The following NTMT2 variants were observed in gnomAD, a reference collection of about 807,000 sequenced individuals.
NTMT2 encodes the protein N-terminal Xaa-Pro-Lys N-methyltransferase 2.
In NTMT2, 21 loss-of-function variants were observed where a neutral mutation model predicts 23.4. That is an observed-to-expected ratio of 0.90 (90% CI 0.64 to 1.29). NTMT2 has a LOEUF of 1.29. NTMT2 is among the 50% of genes most tolerant of loss of function. The pLI, the probability that NTMT2 is intolerant of heterozygous loss-of-function variation, is 0.00. For missense variants in NTMT2, 336 were observed against 352.0 expected, an observed-to-expected ratio of 0.95 and a Z score of 0.36; for synonymous variants, 131 against 127.7, an observed-to-expected ratio of 1.03 and a Z score of -0.17.
intron 1 of NTMT2, among the ~76,000 whole-genome samples, chr1:170,157,379 G>A (rs779719728): frequency 6.6e-6 from 1 of 152,014 alleles, no homozygotes; most frequent in Non-Finnish European, 1.5e-5. Flanking sequence ...ATGTATGGAG[G>A]ATATAAATAA....
chr1:170,157,379 G>T (rs779719728), intron 1 of NTMT2, among the ~76,000 whole-genome samples: 1 of 152,014 alleles, frequency 6.6e-6, no homozygotes, highest in African/African-American at 2.4e-5. Context: ...ATGTATGGAG[G>T]ATATAAATAA....
chr1:170,146,915 T>C (rs1290494756), intron 1 of NTMT2, among the ~76,000 whole-genome samples: 2 of 152,246 alleles, frequency 1.3e-5, no homozygotes, highest in Non-Finnish European at 2.9e-5. Context: ...TCTACTTTTT[T>C]CAGCCTCTGT....
intron 2 of NTMT2, among the ~76,000 whole-genome samples, chr1:170,164,519 A>G (rs180796473): frequency 6.6e-6 from 1 of 152,194 alleles, no homozygotes; most frequent in Non-Finnish European, 1.5e-5. Flanking sequence ...GAATTAGTTT[A>G]GTCTAAATTA....
At chr1:170,152,013 T>A in intron 1 of NTMT2, among the ~76,000 whole-genome samples, 1 of 152,192 alleles carries the variant, frequency 6.6e-6, no homozygotes, top group East Asian at 1.9e-4. Context: ...TTATGTGTGC[T>A]TATGTCGGTT....
At position 170,160,686 on chromosome 1, in the gene NTMT2, T is replaced by C. The variant is rs201341297; in HGVS notation, c.323T>C (p.Phe108Ser). ...GCCTCTCAGAAATTTCTTAGGAAAT[T>C]TGTTGGGGTGAGTTATTCAACTGCA... ...IQASQKFLRK[F>S]VGGPGRAGTD... The change falls in exon 2 of 4, where the codon TTT becomes TCT. Residue 108 changes from phenylalanine to serine, a missense_variant. Phe to Ser is a radical substitution (Grantham distance 155). Transcript: ENST00000439373. The C allele has an allele frequency of 3.1e-5, 47 of 1,525,726 alleles. No homozygotes were observed. The African/African-American group carries it at 5.3e-4, about 17-fold the overall frequency. 94.5% of individuals were successfully genotyped at this position (1,525,726 alleles called of 1,614,324 possible).
chr1:170,167,836 A>G lies in NTMT2; in HGVS notation c.*79A>G. The G allele has an allele frequency of 4.9e-6, 7 of 1,426,330 alleles. No homozygotes were observed. Among genetic ancestry groups the G allele is most frequent in the Non-Finnish European group, 6.5e-6 (7 of 1,069,226 alleles). The allele number at this position is 1,426,330 out of a possible 1,614,324, so 88.4% of individuals were successfully genotyped here. ...TGCTATCCTTCCAGGTGCCCCTTGTAATGCAGATAGGGATGGCAAGAAAAG... is the reference window on the plus strand; with the variant it reads ...TGCTATCCTTCCAGGTGCCCCTTGTGATGCAGATAGGGATGGCAAGAAAAG... On this transcript the variant is annotated 3_prime_UTR_variant, in exon 4 of 4. Coordinates refer to ENST00000439373, the MANE Select transcript of NTMT2 (RefSeq NM_001136107.2).
intron 1 of NTMT2, among the ~76,000 whole-genome samples, chr1:170,152,718 A>C (rs796422986): frequency 1.7e-4 from 25 of 148,602 alleles, no homozygotes; most frequent in African/African-American, 4.3e-4. Flanking sequence ...TCCCCCCCCC[A>C]CCACCATTGT....
At chr1:170,159,144 G>A (rs894837794) in intron 1 of NTMT2, among the ~76,000 whole-genome samples, 2 of 152,134 alleles carry the variant, frequency 1.3e-5, no homozygotes, top group African/African-American at 4.8e-5. Context: ...AGGAAGACAA[G>A]AAGCCCTACA....
chr1:170,145,964 C>A lies in NTMT2; in HGVS notation c.-144C>A. The A allele has an allele frequency of 1.1e-5, 8 of 753,230 alleles. No homozygotes were observed. In the Middle Eastern group the frequency reaches 1.4e-3, roughly 135 times the overall value. 46.7% of individuals were successfully genotyped at this position (753,230 alleles called of 1,614,324 possible). On this transcript the variant is annotated 5_prime_UTR_variant, in exon 1 of 4. Coordinates refer to ENST00000439373, the MANE Select transcript of NTMT2 (RefSeq NM_001136107.2). ...GTGTGCTGCCCCTCCTCCCCACACC[C>A]ATGACAGCCTGTCCTGATATAGATG...
chr1:170,166,172 C>G (rs2102243000), intron 2 of NTMT2, among the ~76,000 whole-genome samples: 1 of 120,098 alleles, frequency 8.3e-6, no homozygotes, highest in South Asian at 2.7e-4. Flanking sequence ...CGGAGTCTCG[C>G]TCTGTGGCCC....
intron 2 of NTMT2, 82 bp from the exon 3 acceptor site, chr1:170,166,420 C>A: frequency 1.4e-6 from 2 of 1,465,292 alleles, no homozygotes; most frequent in East Asian, 2.5e-5. Context: ...GGATTACAAG[C>A]GTGAGCCACC....
At chr1:170,167,143 T>C (rs1456793084) in intron 3 of NTMT2, among the ~76,000 whole-genome samples, 1 of 152,062 alleles carries the variant, frequency 6.6e-6, no homozygotes, top group Non-Finnish European at 1.5e-5. Flanking sequence ...CAGCAGTGAA[T>C]TTGATTTTGG....
intron 1 of NTMT2, among the ~76,000 whole-genome samples, chr1:170,154,531 G>T (rs528734364): frequency 9.2e-5 from 14 of 152,348 alleles, no homozygotes; most frequent in African/African-American, 3.1e-4. Context: ...CTTAAGGACT[G>T]CCCTGCTGGC....
At chr1:170,158,213 T>C (rs889184126) in intron 1 of NTMT2, 1 of 152,244 alleles carries the variant, frequency 6.6e-6, no homozygotes, top group Admixed American at 6.5e-5. Flanking sequence ...TTTTCTAGTG[T>C]TTCTGATGAG....
chr1:170,164,847 T>C (rs1254551960), intron 2 of NTMT2, among the ~76,000 whole-genome samples: 1 of 152,228 alleles, frequency 6.6e-6, no homozygotes, highest in Non-Finnish European at 1.5e-5. Flanking sequence ...TAATAATCTA[T>C]ATTGTGGAGT....
In NTMT2 at chr1:170,166,668, T is replaced by C; in HGVS notation, c.497T>C (p.Val166Ala). 6.4e-7 allele frequency: 1 copy of C among 1,552,142 alleles called. No homozygotes were observed. The highest frequency in any genetic ancestry group is 1.2e-5 in the South Asian group (1 of 84,050). The change falls in exon 3 of 4, where the codon GTA (valine) becomes GCA (alanine). Residue 166 changes from valine (V) to alanine (A), a missense_variant. Transcript: ENST00000439373. ...QNYLQVKGDKVESYHCYSLQE... is the reference protein window; with the variant it reads ...QNYLQVKGDKAESYHCYSLQE... ...TACCTGCAGGTCAAAGGTGACAAAG[T>C]AGAAAGCTACCACTGCTACAGCCTG...
At chr1:170,152,909 GT>G (rs1344812729) in intron 1 of NTMT2, among the ~76,000 whole-genome samples, 1 of 152,168 alleles carries the variant, frequency 6.6e-6, no homozygotes, top group Non-Finnish European at 1.5e-5. Flanking sequence ...AATCCCCAGT[GT>G]TGGAGGTGGG....
chr1:170,154,855 T>C (rs1286999255), intron 1 of NTMT2, among the ~76,000 whole-genome samples: 2 of 152,108 alleles, frequency 1.3e-5, no homozygotes, highest in African/African-American at 4.8e-5. Flanking sequence ...ATTTGTCCCA[T>C]CCAAATCTCA....
chr1:170,153,041 C>G (rs1269136043), intron 1 of NTMT2, among the ~76,000 whole-genome samples: 1 of 152,122 alleles, frequency 6.6e-6, no homozygotes, highest in East Asian at 1.9e-4. Flanking sequence ...CTTCACCCCA[C>G]CTTTTACTCC....
Sources: gnomAD v4.1 joint callset for allele counts (sites outside exome capture counted in the v4.1 genomes callset) on GRCh38, gnomAD v4.1.1 for gene constraint, MANE v1.5 for transcripts, NCBI Gene and HGNC (gene_info 2026-07-23, HGNC 2026-07-21) for gene names.